ZMYND10: variants seen among roughly 807,000 people sequenced by gnomAD.
ZMYND10 encodes the protein zinc finger MYND domain-containing protein 10.
A neutral mutation model predicts 62.6 loss-of-function variants in ZMYND10; 52 were observed. That is an observed-to-expected ratio of 0.83 (90% CI 0.67 to 1.05). ZMYND10 has a LOEUF of 1.05. Ranked by LOEUF, ZMYND10 falls within the 50% of genes least tolerant of loss-of-function variation. ZMYND10 has a pLI of 0.00. For synonymous variants in ZMYND10, 197 were observed against 218.5 expected (o/e 0.90, Z 0.87); for missense variants, 438 against 543.3 (o/e 0.81, Z 1.93).
intron 2 of ZMYND10, among the ~76,000 whole-genome samples, chr3:50,344,617 CTTT>C (rs10563378): frequency 3.2e-4 from 41 of 128,686 alleles, no homozygotes; most frequent in Admixed American, 1.0e-3. Context: ...CCATGCCCGG[CTTT>C]TTTTTTTTTT....
At position 50,341,830 on chromosome 3, in the gene ZMYND10, G is replaced by A; in HGVS notation, c.1101C>T (p.Asp367=). The part of the protein sequence containing the change: ...LQHVFSPSEQ[D]LRLQARRWAE... ...CTTACCTTCGCGCCTGCAGCCGCAG[G>A]TCCTGCTCTGAGGGGCTGAACACAT... The change falls in exon 10 of 12, where the codon GAC becomes GAT. Residue 367 remains aspartate, a synonymous_variant. Transcript: ENST00000231749. 1.2e-6 allele frequency: 2 copies of A among 1,614,140 alleles called. No individual in the cohort carries two copies. Among genetic ancestry groups the A allele is most frequent in the Non-Finnish European group, 1.7e-6 (2 of 1,180,052 alleles).
Position 50,343,313 on chromosome 3 carries a change from G to A in ZMYND10, c.504C>T (p.Pro168=), listed in dbSNP as rs1294814565. The A allele has an allele frequency of 6.2e-7, 1 of 1,611,944 alleles. No homozygotes were observed. Among genetic ancestry groups the A allele is most frequent in the Non-Finnish European group, 8.5e-7 (1 of 1,178,820 alleles). Reference sequence around the variant, plus strand: ...CTAGGTAACCTCAACCCACCTGCATGGGGTTGCTGTCCTGGGATCCCTCCC... The same window carrying A: ...CTAGGTAACCTCAACCCACCTGCATAGGGTTGCTGTCCTGGGATCCCTCCC... The part of the protein sequence containing the change: ...PEGEGSQDSN[P]MQELQKQAEL... Residue 168 remains proline (P), a synonymous_variant, in exon 5 of 12, where the codon CCC becomes CCT. Coordinates refer to ENST00000231749, the MANE Select transcript of ZMYND10 (RefSeq NM_015896.4).
Position 50,345,166 on chromosome 3 carries a change from G to T in ZMYND10, c.159C>A (p.Ser53Arg), listed in dbSNP as rs1703505766. The T allele has an allele frequency of 1.2e-6, 2 of 1,614,064 alleles. No homozygotes were observed. Among genetic ancestry groups the T allele is most frequent in the Admixed American group, 3.3e-5 (2 of 60,020 alleles). Residue 53 changes from serine (S) to arginine (R), a missense_variant, in exon 2 of 12, where the codon AGC becomes AGA. Ser to Arg is a moderately radical substitution (Grantham distance 110). Transcript: ENST00000231749. This position sits in a 1 kb window ranked among gnomAD's most constrained non-coding sequence, Gnocchi z 5.0. ...NMQAILDATV[S>R]QGEPIQELLV... ...GCAGCTCCTGAATGGGCTCGCCCTG[G>T]CTGACTGTGGCATCGAGGATGGCTT...
chr3:50,345,244 G>A lies in ZMYND10; in HGVS notation c.93-12C>T, dbSNP rs747105839. The A allele has an allele frequency of 3.7e-6, 6 of 1,612,286 alleles. No homozygotes were observed. The East Asian group carries it at 1.1e-4, about 30-fold the overall frequency. On this transcript the variant is annotated splice_polypyrimidine_tract_variant and intron_variant, in intron 1 of 11. Transcript: ENST00000231749. The surrounding 1 kb of genome is among the most constrained non-coding windows in gnomAD (Gnocchi z 5.0). ...GCTGCTGGTTCCACCTGCCTCAGAGGGTAAGTGCATGTGCGTCCACGTGTG... is the reference window on the plus strand; with the variant it reads ...GCTGCTGGTTCCACCTGCCTCAGAGAGTAAGTGCATGTGCGTCCACGTGTG...
intron 5 of ZMYND10, 24 bp from the exon 6 acceptor site, chr3:50,343,230 G>C (rs2301639): frequency 6.2e-7 from 1 of 1,613,946 alleles, no homozygotes; most frequent in Non-Finnish European, 8.5e-7. Context: ...CAGTGTTCAC[G>C]CTGGGCCACC....
chr3:50,342,477 C>A lies in ZMYND10; in HGVS notation c.793G>T (p.Ala265Ser). 1 of 1,612,870 alleles carries A rather than the reference C, an allele frequency of 6.2e-7. No individual in the cohort carries two copies. The highest frequency in any genetic ancestry group is 8.5e-7 in the Non-Finnish European group (1 of 1,179,600). ...LSKLDGQVWIALYNLLLSPEA... is the reference protein window; with the variant it reads ...LSKLDGQVWISLYNLLLSPEA... ...GGGCTTAGCAGCAGGTTGTACAGGGCGATCCACACTTGCCCGTCCAACTTG... is the reference window on the plus strand; with the variant it reads ...GGGCTTAGCAGCAGGTTGTACAGGGAGATCCACACTTGCCCGTCCAACTTG... Residue 265 changes from alanine (A) to serine (S), a missense_variant, in exon 8 of 12, where the codon GCC (alanine) becomes TCC (serine). Transcript: ENST00000231749.
chr3:50,341,737 G>T, intron 10 of ZMYND10, 38 bp from the exon 11 acceptor site: 2 of 1,612,500 alleles, frequency 1.2e-6, no homozygotes, highest in Non-Finnish European at 1.7e-6. Context: ...GGCCCTGGAA[G>T]GTGGGGGCAC....
In ZMYND10 at chr3:50,345,681, C is replaced by G; in HGVS notation, c.-102G>C. On this transcript the variant is annotated 5_prime_UTR_variant, in exon 1 of 12. Coordinates refer to ENST00000231749, the MANE Select transcript of ZMYND10 (RefSeq NM_015896.4). The surrounding 1 kb of genome is among the most constrained non-coding windows in gnomAD (Gnocchi z 5.0). Reference sequence around the variant, plus strand: ...GACGGTGCCAAAGTCTGGGACAGGACAGTTGCGGGACGGTTGGGGAGCGTC... The same window carrying G: ...GACGGTGCCAAAGTCTGGGACAGGAGAGTTGCGGGACGGTTGGGGAGCGTC... 5 of 1,523,582 alleles carry G rather than the reference C, an allele frequency of 3.3e-6. No homozygotes were observed. The highest frequency in any genetic ancestry group is 4.4e-6 in the Non-Finnish European group (5 of 1,133,784). 94.4% of individuals were successfully genotyped at this position (1,523,582 alleles called of 1,614,324 possible). A position where few individuals can be genotyped will look rare whatever the true frequency, so the allele number is the denominator to read the frequency against.
At position 50,345,317 on chromosome 3, in the gene ZMYND10, G is replaced by T; in HGVS notation, c.93-85C>A. 6.6e-7 allele frequency: 1 copy of T among 1,523,842 alleles called. No homozygotes were observed. Among genetic ancestry groups the T allele is most frequent in the Non-Finnish European group, 8.9e-7 (1 of 1,118,490 alleles). 94.4% of individuals were successfully genotyped at this position (1,523,842 alleles called of 1,614,324 possible). On this transcript the variant is annotated intron_variant, in intron 1 of 11. Transcript: ENST00000231749. This position sits in a 1 kb window ranked among gnomAD's most constrained non-coding sequence, Gnocchi z 5.0. ...GCTGGATCCTACTGAAGCCTAACCT[G>T]ATCCTGAGGGGACACAGGGGGCTCA...
At position 50,341,333 on chromosome 3, in the gene ZMYND10, C is replaced by T. The variant is rs770212706; in HGVS notation, c.*77G>A. On this transcript the variant is annotated 3_prime_UTR_variant, in exon 12 of 12. Coordinates refer to ENST00000231749, the MANE Select transcript of ZMYND10 (RefSeq NM_015896.4). ...ACTGGGGCTCCGGCAGAGGCTGGAC[C>T]GTGATCTTGAGGTTCAGGGGTGCAT... 2 of 1,564,784 alleles carry T rather than the reference C, an allele frequency of 1.3e-6. No individual in the cohort carries two copies. The highest frequency in any genetic ancestry group is 1.3e-5 in the African/African-American group (1 of 74,138).
At chr3:50,344,999 C>T (rs923149299) in intron 2 of ZMYND10, 125 bp downstream of exon 2, 14 of 755,942 alleles carry the variant, frequency 1.9e-5, no homozygotes, top group Non-Finnish European at 3.1e-5. Context: ...TAACACATTC[C>T]TCTTTGTCCT....
Position 50,342,555 on chromosome 3 carries a change from A to C in ZMYND10, c.715T>G (p.Phe239Val). 6.2e-7 allele frequency: 1 copy of C among 1,612,910 alleles called. No homozygotes were observed. The highest frequency in any genetic ancestry group is 1.1e-5 in the South Asian group (1 of 91,042). ...SRREGGKLQQ[F>V]EGSRWHTVAP... The stretch of plus-strand genomic sequence containing the variant: ...ACAGTATGCCAACGGCTGCCCTCGA[A>C]CTGCTGCAGCTTGCCTGGGGAGAGG... Residue 239 changes from phenylalanine to valine, a missense_variant, in exon 8 of 12, where the codon TTC (phenylalanine) becomes GTC (valine). Coordinates refer to ENST00000231749, the MANE Select transcript of ZMYND10 (RefSeq NM_015896.4).
chr3:50,341,162 G>A lies in ZMYND10; in HGVS notation c.*248C>T. 1 of 615,970 alleles carries A rather than the reference G, an allele frequency of 1.6e-6. No individual in the cohort carries two copies. 38.2% of individuals were successfully genotyped at this position (615,970 alleles called of 1,614,324 possible). A position where few individuals can be genotyped will look rare whatever the true frequency, so the allele number is the denominator to read the frequency against. ...TAGAGGAAGAGGGTCCCCACATCCG[G>A]CCCTGGCCCTCCTGGTCCGGTTTGC... On this transcript the variant is annotated 3_prime_UTR_variant, in exon 12 of 12. Coordinates refer to ENST00000231749, the MANE Select transcript of ZMYND10 (RefSeq NM_015896.4).
In ZMYND10 at chr3:50,341,858, T is replaced by C. The variant is rs114329675; in HGVS notation, c.1073A>G (p.Gln358Arg). Residue 358 changes from glutamine to arginine, a missense_variant, in exon 10 of 12, where the codon CAG (glutamine) becomes CGG (arginine). Physicochemically the swap from Gln to Arg is conservative, Grantham distance 43 (BLOSUM62 1). Transcript: ENST00000231749. ...KWQAIAKHQL[Q>R]HVFSPSEQDL... The stretch of plus-strand genomic sequence containing the variant: ...CTGCTCTGAGGGGCTGAACACATGC[T>C]GGAGCTGGTGCTTGGCAATTGCCTG... 1.2e-3 allele frequency: 1,933 copies of C among 1,614,112 alleles called. 23 individuals are homozygous for C. In the African/African-American group the frequency reaches 0.019, roughly 16 times the overall value.
In ZMYND10 at chr3:50,341,909, A is replaced by T. The variant is rs1472439356; in HGVS notation, c.1022T>A (p.Leu341Gln). ...LEQIPEIWER[L>Q]ERENRGKWQA... ...CCACTTGCCTCTGTTTTCTCGCTCC[A>T]GCCGCTCCCAGATTTCTGGGATCTA... Residue 341 changes from leucine to glutamine, a missense_variant, in exon 10 of 12, where the codon CTG (leucine) becomes CAG (glutamine). Leu to Gln is a moderately radical substitution (Grantham distance 113). Coordinates refer to ENST00000231749, the MANE Select transcript of ZMYND10 (RefSeq NM_015896.4). 3 of 1,614,076 alleles carry T rather than the reference A, an allele frequency of 1.9e-6. No individual in the cohort carries two copies. In the East Asian group the frequency reaches 6.7e-5, roughly 36 times the overall value.
rs769945754 is a variant in ZMYND10 at position 50,342,921 on chromosome 3, C to T, written c.697G>A (p.Gly233Arg). The change falls in exon 7 of 12, where the codon GGA (glycine) becomes AGA (arginine). Residue 233 changes from glycine to arginine, a missense_variant. Transcript: ENST00000231749. The part of the protein sequence containing the change: ...LEHSPWSRRE[G>R]GKLQQFEGSR... ...GGCTGGTGGGGGAGGACCCTACCTC[C>T]TTCCCGCCGGCTCCAGGGACTATGC... is the stretch of plus-strand genomic sequence containing the variant. 1 of 1,613,836 alleles carries T rather than the reference C, an allele frequency of 6.2e-7. No homozygotes were observed. Among genetic ancestry groups the T allele is most frequent in the Admixed American group, 1.7e-5 (1 of 60,002 alleles).
chr3:50,343,979 T>C, intron 2 of ZMYND10, 129 bp from the exon 3 acceptor site: 1 of 765,312 alleles, frequency 1.3e-6, no homozygotes, highest in Non-Finnish European at 2.2e-6. Flanking sequence ...TCCAGACCCA[T>C]GAGTATCCTT....
In ZMYND10 at chr3:50,343,824, G is replaced by A. The variant is rs764843322; in HGVS notation, c.228C>T (p.Ile76=). 1.2e-5 allele frequency: 20 copies of A among 1,614,038 alleles called. 1 individual carries two copies. In the South Asian group the frequency reaches 1.9e-4, roughly 15 times the overall value. The change falls in exon 3 of 12, where the codon ATC becomes ATT. Residue 76 remains isoleucine (I), a synonymous_variant. Coordinates refer to ENST00000231749, the MANE Select transcript of ZMYND10 (RefSeq NM_015896.4). ...CCTTCTGCTTCCACATCTCCACTGC[G>A]ATCAGCTCCTCCACCAGTGTTGGGA... ...GKVPTLVEEL[I]AVEMWKQKVF...
Position 50,341,351 on chromosome 3 carries a change from G to A in ZMYND10, c.*59C>T. The A allele has an allele frequency of 6.3e-7, 1 of 1,595,202 alleles. No homozygotes were observed. The highest frequency in any genetic ancestry group is 1.1e-5 in the South Asian group (1 of 90,486). ...GCTGGACCGTGATCTTGAGGTTCAG[G>A]GGTGCATTCTGGGTGGATTCCCTTG... is the stretch of plus-strand genomic sequence containing the variant. On this transcript the variant is annotated 3_prime_UTR_variant, in exon 12 of 12. Transcript: ENST00000231749.
Sources: gnomAD v4.1 joint callset for allele counts (sites outside exome capture counted in the v4.1 genomes callset) on GRCh38, gnomAD v4.1.1 for gene constraint, Gnocchi (gnomAD v3.1) non-coding constraint, MANE v1.5 for transcripts, NCBI Gene and HGNC (gene_info 2026-07-23, HGNC 2026-07-21) for gene names.